MATK: variants seen among roughly 807,000 people sequenced by gnomAD.
The protein encoded by MATK is megakaryocyte-associated tyrosine-protein kinase.
A neutral mutation model predicts 59.8 loss-of-function variants in MATK; 41 were observed. The observed-to-expected ratio is 0.69, with a 90% CI of 0.53 to 0.89. The LOEUF (loss-of-function observed/expected upper bound fraction) is 0.89, where lower values mean the gene tolerates loss of function less well. Ranked by LOEUF, MATK falls within the 40% of genes least tolerant of loss-of-function variation. The pLI is 0.00. For missense variants in MATK, 593 were observed against 719.6 expected (o/e 0.82, Z 2.01); for synonymous variants, 308 against 306.1 (o/e 1.01, Z -0.06).
At chr19:3,794,075 C>T (rs966053088) in intron 1 of MATK, among the ~76,000 whole-genome samples, 4 of 152,008 alleles carry the variant, frequency 2.6e-5, no homozygotes, top group Admixed American at 1.3e-4. Flanking sequence ...CATCCTTCCC[C>T]CAGCTCTTCT....
chr19:3,781,522 G>A, intron 8 of MATK, 85 bp downstream of exon 8: 3 of 1,411,950 alleles, frequency 2.1e-6, no homozygotes, highest in Non-Finnish European at 3.0e-6. Context: ...GTTAAGTATG[G>A]GTTTGAATTC....
In MATK at chr19:3,783,145, G is replaced by A. The variant is rs144680385; in HGVS notation, c.657C>T (p.Ala219=). Residue 219 remains alanine (A), a synonymous_variant, in exon 7 of 14, where the codon GCC becomes GCT. Transcript: ENST00000310132. The stretch of plus-strand genomic sequence containing the variant: ...CCCTACCCCTGGCCAGCTCCTCCTC[G>A]GCCGACTTGGTCCCGTGTTTCCGCT... ...RPKRKHGTKS[A]EEELARAGWL... The A allele has an allele frequency of 3.5e-5, 57 of 1,613,892 alleles. No homozygotes were observed. Among genetic ancestry groups the A allele is most frequent in the Non-Finnish European group, 4.4e-5 (52 of 1,179,982 alleles).
intron 2 of MATK, 31 bp from the exon 3 acceptor site, chr19:3,784,915 TG>T (rs1251481375): frequency 6.7e-7 from 1 of 1,481,516 alleles, no homozygotes. Context: ...AGGTGGGAGC[TG>T]GGCTGGGACC....
intron 12 of MATK, 45 bp downstream of exon 12, chr19:3,778,947 T>TG: frequency 2.0e-6 from 3 of 1,497,328 alleles, no homozygotes; most frequent in Non-Finnish European, 1.8e-6. Flanking sequence ...ACAGCAGAGC[T>TG]GGGGGGACCC....
At chr19:3,799,064 C>T (rs1474737378) in intron 1 of MATK, among the ~76,000 whole-genome samples, 1 of 151,966 alleles carries the variant, frequency 6.6e-6, no homozygotes, top group African/African-American at 2.4e-5. Context: ...CTTAGTCTCC[C>T]AAAGTGCTGG....
chr19:3,801,014 C>A (rs1276137870), intron 1 of MATK, among the ~76,000 whole-genome samples: 2 of 152,222 alleles, frequency 1.3e-5, no homozygotes, highest in South Asian at 4.2e-4. Flanking sequence ...TGCCCACCAC[C>A]ACGCCCGGCT....
intron 1 of MATK, 124 bp from the exon 2 acceptor site, chr19:3,785,410 G>T: frequency 6.8e-6 from 4 of 587,846 alleles, no homozygotes; most frequent in Non-Finnish European, 1.2e-5. Context: ...GGCTCCTCCG[G>T]CCACCCGCTG....
chr19:3,780,199 G>A lies in MATK; in HGVS notation c.743-402C>T, dbSNP rs2037379972. On this transcript the variant is annotated intron_variant, in intron 8 of 13. Coordinates refer to ENST00000310132, the MANE Select transcript of MATK (RefSeq NM_139355.3). ...GGAGGCTGAGGCAGGAGAATCACTT[G>A]AACCCGGGAGGCAGAGGTTGCAGTG... Among the ~76,000 whole-genome samples the A allele has an allele frequency of 2.0e-5, 3 of 151,782 alleles. No individual in the cohort carries two copies. The South Asian group carries it at 6.2e-4, about 32-fold the overall frequency.
rs1006861918 is a variant in MATK, at chr19:3,785,266, G to C, written c.-131C>G. The C allele has an allele frequency of 3.9e-6, 6 of 1,531,844 alleles. No homozygotes were observed. Among genetic ancestry groups the C allele is most frequent in the Admixed American group, 2.1e-5 (1 of 48,562 alleles). 94.9% of individuals were successfully genotyped at this position (1,531,844 alleles called of 1,614,324 possible). A position where few individuals can be genotyped will look rare whatever the true frequency, so the allele number is the denominator to read the frequency against. On this transcript the variant is annotated 5_prime_UTR_variant, in exon 2 of 14. Transcript: ENST00000310132. Reference sequence around the variant, plus strand: ...GTAGGGAGCTGGGTGCCACTGGACCGAGCCTGGTTCTTCCTGTTTTCTGGT... The same window carrying C: ...GTAGGGAGCTGGGTGCCACTGGACCCAGCCTGGTTCTTCCTGTTTTCTGGT...
intron 8 of MATK, among the ~76,000 whole-genome samples, chr19:3,781,294 C>G (rs1359966812): frequency 2.6e-5 from 4 of 152,014 alleles, no homozygotes; most frequent in African/African-American, 9.7e-5. Flanking sequence ...AACCCCAGAG[C>G]CTTCCAGAAT....
In MATK at chr19:3,784,405, G is replaced by T; in HGVS notation, c.179C>A (p.Thr60Asn). The T allele has an allele frequency of 6.2e-7, 1 of 1,605,198 alleles. No individual in the cohort carries two copies. Among genetic ancestry groups the T allele is most frequent in the East Asian group, 2.2e-5 (1 of 44,610 alleles). Residue 60 changes from threonine to asparagine, a missense_variant, in exon 4 of 14, where the codon ACC (threonine) becomes AAC (asparagine). Physicochemically the swap from Thr to Asn is moderately conservative, Grantham distance 65. Coordinates refer to ENST00000310132, the MANE Select transcript of MATK (RefSeq NM_139355.3). ...GGCCAGCTCCCCTGGCTTGGGGCGG[G>T]TGTGCTCGCATTTGGTGATACACTG... ...GTQCITKCEH[T>N]RPKPGELAFR...
chr19:3,780,060 C>T (rs891640326), intron 8 of MATK, among the ~76,000 whole-genome samples: 1 of 152,298 alleles, frequency 6.6e-6, no homozygotes, highest in South Asian at 2.1e-4. Context: ...GCAGGCGGAT[C>T]ACCTGAGGTC....
intron 1 of MATK, among the ~76,000 whole-genome samples, chr19:3,793,995 G>A (rs1177743462): frequency 6.6e-6 from 1 of 152,106 alleles, no homozygotes; most frequent in African/African-American, 2.4e-5. Flanking sequence ...CTTCTCCCTT[G>A]TCTCCCAAAA....
chr19:3,779,658 C>A (rs762771723), intron 9 of MATK, 40 bp downstream of exon 9: 5 of 1,610,674 alleles, frequency 3.1e-6, no homozygotes, highest in East Asian at 2.2e-5. Context: ...GGCTGGGACC[C>A]CCCCCGTCCC....
Position 3,786,369 on chromosome 19 carries a change from C to G in MATK, c.-352G>C. Reference sequence around the variant, plus strand: ...CCTGGGAGGCCCCCGCGGGTCCTAGCGCCGGCCGCACTGCGGTCTCCTCCG... The same window carrying G: ...CCTGGGAGGCCCCCGCGGGTCCTAGGGCCGGCCGCACTGCGGTCTCCTCCG... On this transcript the variant is annotated 5_prime_UTR_variant, in exon 1 of 14. Transcript: ENST00000310132. This position sits in a 1 kb window ranked among gnomAD's most constrained non-coding sequence, Gnocchi z 4.1. 1 of 982,932 alleles carries G rather than the reference C, an allele frequency of 1.0e-6. No homozygotes were observed. The highest frequency in any genetic ancestry group is 1.2e-6 in the Non-Finnish European group (1 of 828,926). 60.9% of individuals were successfully genotyped at this position (982,932 alleles called of 1,614,324 possible).
At chr19:3,781,581 C>A in intron 8 of MATK, 26 bp downstream of exon 8, 1 of 1,613,252 alleles carries the variant, frequency 6.2e-7, no homozygotes, top group Non-Finnish European at 8.5e-7. Context: ...CTTCCTTCAG[C>A]ACCCCCAACC....
At chr19:3,797,153 C>T (rs999510188) in intron 1 of MATK, among the ~76,000 whole-genome samples, 7 of 152,072 alleles carry the variant, frequency 4.6e-5, no homozygotes, top group Non-Finnish European at 1.0e-4. Context: ...ACTTTGGTTT[C>T]TCTGGCGTGT....
Position 3,778,687 on chromosome 19 carries a change from C to T in MATK, c.1198-92G>A, listed in dbSNP as rs570988000. ...CAGGAAGCCCTCCTGGGTTGACCCT[C>T]ACTCTCTGGTCTTCTCCTAATTGAG... On this transcript the variant is annotated intron_variant, in intron 12 of 13. Transcript: ENST00000310132. 1.9e-4 allele frequency: 262 copies of T among 1,379,730 alleles called. No individual in the cohort carries two copies. The African/African-American group carries it at 3.4e-3, about 18-fold the overall frequency. 85.5% of individuals were successfully genotyped at this position (1,379,730 alleles called of 1,614,324 possible). A position where few individuals can be genotyped will look rare whatever the true frequency, so the allele number is the denominator to read the frequency against.
rs2037484398 is a variant in MATK at position 3,786,354 on chromosome 19, C to T, written c.-337G>A. Reference sequence around the variant, plus strand: ...CGGGAGGCGCCGCGGCCTGGGAGGCCCCCGCGGGTCCTAGCGCCGGCCGCA... The same window carrying T: ...CGGGAGGCGCCGCGGCCTGGGAGGCTCCCGCGGGTCCTAGCGCCGGCCGCA... On this transcript the variant is annotated 5_prime_UTR_variant, in exon 1 of 14. Coordinates refer to ENST00000310132, the MANE Select transcript of MATK (RefSeq NM_139355.3). The surrounding 1 kb of genome is among the most constrained non-coding windows in gnomAD (Gnocchi z 4.1). The T allele has an allele frequency of 1.0e-6, 1 of 983,442 alleles. No homozygotes were observed. Among genetic ancestry groups the T allele is most frequent in the Non-Finnish European group, 1.2e-6 (1 of 829,202 alleles). The allele number at this position is 983,442 out of a possible 1,614,324, so 60.9% of individuals were successfully genotyped here. A position where few individuals can be genotyped will look rare whatever the true frequency, so the allele number is the denominator to read the frequency against.
Sources: gnomAD v4.1 joint callset for allele counts (sites outside exome capture counted in the v4.1 genomes callset) on GRCh38, gnomAD v4.1.1 for gene constraint, Gnocchi (gnomAD v3.1) non-coding constraint, MANE v1.5 for transcripts, NCBI Gene and HGNC (gene_info 2026-07-23, HGNC 2026-07-21) for gene names.